BPI: variants seen among roughly 807,000 people sequenced by gnomAD.
BPI encodes bactericidal permeability increasing protein, also known as bactericidal permeability-increasing protein.
BPI carries 48 observed loss-of-function variants against 57.6 expected under a neutral mutation model. The observed-to-expected ratio is 0.83, with a 90% CI of 0.66 to 1.06. The LOEUF is 1.06. Among genes scored for constraint, BPI ranks in the 50% least tolerant of loss-of-function variants. BPI has a pLI of 0.00. For missense variants in BPI, 651 were observed against 609.7 expected (o/e 1.07, Z -0.71); for synonymous variants, 237 against 238.2 (o/e 0.99, Z 0.05).
At chr20:38,305,781 A>T (rs1344978579) in intron 1 of BPI, among the ~76,000 whole-genome samples, 1 of 152,128 alleles carries the variant, frequency 6.6e-6, no homozygotes, top group Non-Finnish European at 1.5e-5. Flanking sequence ...ACTTCCTAGG[A>T]TTGTACAAAT....
At chr20:38,320,055 T>C (rs5743510) in intron 6 of BPI, 128 bp from the exon 7 acceptor site, 45,510 of 781,062 alleles carry the variant, frequency 0.058, 1,583 homozygotes, top group South Asian at 0.11. Flanking sequence ...GAGAGCTCCC[T>C]GGAGAAGGTG....
chr20:38,326,144 T>C, intron 9 of BPI, 121 bp from the exon 10 acceptor site: 1 of 1,062,600 alleles, frequency 9.4e-7, no homozygotes, highest in Non-Finnish European at 1.3e-6. Context: ...ATCTTAGGAT[T>C]TATTCTAAGA....
At position 38,327,652 on chromosome 20, in the gene BPI, A is replaced by T. The variant is rs1430484771; in HGVS notation, c.1226A>T (p.Asp409Val). Residue 409 changes from aspartate to valine, a missense_variant, in exon 11 of 15, where the codon GAT becomes GTT. Asp to Val is a radical substitution (Grantham distance 152). Transcript: ENST00000642449. ...SNRLVGELKLDRLLLELKHSN... is the reference protein window; with the variant it reads ...SNRLVGELKLVRLLLELKHSN... The stretch of plus-strand genomic sequence containing the variant: ...AGGCTTGTTGGAGAGCTCAAGCTGG[A>T]TAGGTAAGTGGGCCTGTGAGAGGAG... 2 of 1,613,530 alleles carry T rather than the reference A, an allele frequency of 1.2e-6. No individual in the cohort carries two copies. The highest frequency in any genetic ancestry group is 2.2e-5 in the South Asian group (2 of 91,076).
At chr20:38,311,412 A>G (rs1600699597) in intron 4 of BPI, among the ~76,000 whole-genome samples, 1 of 152,326 alleles carries the variant, frequency 6.6e-6, no homozygotes, top group East Asian at 1.9e-4. Context: ...AACGCAGAGA[A>G]CCAGAGGCTC....
chr20:38,311,735 G>C, intron 4 of BPI, 139 bp from the exon 5 acceptor site: 1 of 719,588 alleles, frequency 1.4e-6, no homozygotes. Flanking sequence ...GATGGGGTGT[G>C]TGCAGTTAGA....
chr20:38,320,787 T>A (rs1054709560), intron 7 of BPI, among the ~76,000 whole-genome samples: 2 of 150,162 alleles, frequency 1.3e-5, no homozygotes, highest in Non-Finnish European at 3.0e-5. Context: ...CCTAGACCAA[T>A]GCTTGGCACA....
At chr20:38,323,734 ACT>A in intron 7 of BPI, 134 bp from the exon 8 acceptor site, 1 of 947,830 alleles carries the variant, frequency 1.1e-6, no homozygotes, top group East Asian at 2.6e-5. Flanking sequence ...TTTTGATGCT[ACT>A]GTTAGTTTCT....
chr20:38,325,307 C>T (rs1262613981), intron 9 of BPI, among the ~76,000 whole-genome samples: 4 of 152,188 alleles, frequency 2.6e-5, no homozygotes, highest in African/African-American at 4.8e-5. Context: ...CTCAGGCTAC[C>T]ATAACAAAAT....
In BPI at chr20:38,307,650, C is replaced by T. The variant is rs1354251005; in HGVS notation, c.214C>T (p.His72Tyr). 1.9e-6 allele frequency: 3 copies of T among 1,611,978 alleles called. No individual in the cohort carries two copies. In the South Asian group the frequency reaches 3.3e-5, roughly 18 times the overall value. Residue 72 changes from histidine to tyrosine, a missense_variant, in exon 2 of 15, where the codon CAT becomes TAT. Coordinates refer to ENST00000642449, the MANE Select transcript of BPI (RefSeq NM_001725.3). ...CTACTCAGACAGCTTTAAGATCAAGCATCTTGGGAAGGGGCATTATAGCTT... is the reference window on the plus strand; with the variant it reads ...CTACTCAGACAGCTTTAAGATCAAGTATCTTGGGAAGGGGCATTATAGCTT... ...PDYSDSFKIK[H>Y]LGKGHYSFYS...
At position 38,327,056 on chromosome 20, in the gene BPI, T is replaced by C. The variant is rs185785397; in HGVS notation, c.1162-532T>C. 7.3e-3 allele frequency among the ~76,000 whole-genome samples: 1,119 copies of C among 152,306 alleles called. 14 individuals are homozygous for C. The highest frequency in any genetic ancestry group is 0.025 in the African/African-American group (1,036 of 41,558). ...TGCATTCATCCCTTTGATCACTCCA[T>C]CACTCCGCAAAGATTTGGTGGCACC... On this transcript the variant is annotated intron_variant, in intron 10 of 14. Transcript: ENST00000642449.
chr20:38,316,505 A>T (rs1158125238), intron 5 of BPI, among the ~76,000 whole-genome samples: 1 of 152,206 alleles, frequency 6.6e-6, no homozygotes, highest in African/African-American at 2.4e-5. Context: ...GGAGCAGTGG[A>T]GGTGACTCCG....
intron 5 of BPI, among the ~76,000 whole-genome samples, chr20:38,316,164 A>T (rs1298332873): frequency 6.7e-6 from 1 of 150,106 alleles, no homozygotes; most frequent in Non-Finnish European, 1.5e-5. Flanking sequence ...TCTTCCTTCC[A>T]TCCCTTTCTC....
chr20:38,328,202 G>A (rs1397736359), intron 11 of BPI, among the ~76,000 whole-genome samples: 1 of 152,178 alleles, frequency 6.6e-6, no homozygotes, highest in Non-Finnish European at 1.5e-5. Flanking sequence ...CGTTAAAAGT[G>A]TGGCTCACCT....
chr20:38,334,969 C>T (rs1216341767), intron 13 of BPI, among the ~76,000 whole-genome samples: 2 of 152,080 alleles, frequency 1.3e-5, no homozygotes, highest in African/African-American at 4.8e-5. Context: ...CGGCCCCTGA[C>T]CTTTGAGAGT....
At chr20:38,337,028 C>T (rs2076770893) in intron 14 of BPI, 118 bp from the exon 15 acceptor site, 1 of 1,000,044 alleles carries the variant, frequency 1.0e-6, no homozygotes. Context: ...ACTGGCCCTG[C>T]CTTTCTCCTT....
At chr20:38,305,355 G>A (rs574953413) in intron 1 of BPI, among the ~76,000 whole-genome samples, 3 of 152,282 alleles carry the variant, frequency 2.0e-5, no homozygotes, top group Non-Finnish European at 2.9e-5. Flanking sequence ...TTCATGCTCC[G>A]TCATAGCAGC....
In BPI at chr20:38,304,220, G is replaced by A; in HGVS notation, c.-4G>A. ...TTTGGCAGCTCTGGAGGATGAGAGA[G>A]AACATGGCCAGGGGCCCTTGCAACG... On this transcript the variant is annotated 5_prime_UTR_variant, in exon 1 of 15. Transcript: ENST00000642449. 6.2e-7 allele frequency: 1 copy of A among 1,614,202 alleles called. No individual in the cohort carries two copies. The highest frequency in any genetic ancestry group is 8.5e-7 in the Non-Finnish European group (1 of 1,180,038).
chr20:38,309,422 G>A (rs1485612052), intron 3 of BPI, among the ~76,000 whole-genome samples: 2 of 152,174 alleles, frequency 1.3e-5, no homozygotes, highest in South Asian at 2.1e-4. Context: ...GTATCTGTCG[G>A]CTGGGGCTTA....
At position 38,337,208 on chromosome 20, in the gene BPI, G is replaced by A; in HGVS notation, c.*24G>A. 6.3e-7 allele frequency: 1 copy of A among 1,578,380 alleles called. No individual in the cohort carries two copies. Among genetic ancestry groups the A allele is most frequent in the Non-Finnish European group, 8.6e-7 (1 of 1,164,790 alleles). ...GAAGGCACCAGGGGTGCCGGGGGCT[G>A]TCAGCCACACCTGTTCCTGATGGGC... On this transcript the variant is annotated 3_prime_UTR_variant, in exon 15 of 15. Transcript: ENST00000642449.
Sources: gnomAD v4.1 joint callset for allele counts (sites outside exome capture counted in the v4.1 genomes callset) on GRCh38, gnomAD v4.1.1 for gene constraint, MANE v1.5 for transcripts, NCBI Gene and HGNC (gene_info 2026-07-23, HGNC 2026-07-21) for gene names.